The following CCDC63 variants were observed in gnomAD, a reference collection of about 807,000 sequenced individuals.
The protein encoded by CCDC63 is coiled-coil domain containing 63.
In CCDC63, 54 loss-of-function variants were observed where a neutral mutation model predicts 63.6. The observed-to-expected ratio is 0.85, with a 90% CI of 0.68 to 1.07. The LOEUF (loss-of-function observed/expected upper bound fraction) is 1.07, where lower values mean the gene tolerates loss of function less well. CCDC63 is among the 50% of genes least tolerant of loss of function. The pLI is 0.00. For missense variants in CCDC63, 637 were observed against 689.6 expected (o/e 0.92, Z 0.86); for synonymous variants, 253 against 266.1 (o/e 0.95, Z 0.48).
chr12:110,856,844 C>CT lies in CCDC63; in HGVS notation c.180-1722dup, dbSNP rs34855503. On this transcript the variant is annotated intron_variant, in intron 3 of 11. Coordinates refer to ENST00000308208, the MANE Select transcript of CCDC63 (RefSeq NM_152591.3). ...GTCCTAGGACATTTTCCTTTCCTTTCTTTTTTTTTTTTTTTTTTTTGAGAC... is the reference window on the plus strand; with the variant it reads ...GTCCTAGGACATTTTCCTTTCCTTTCTTTTTTTTTTTTTTTTTTTTTGAGAC... Among the ~76,000 whole-genome samples the CT allele has an allele frequency of 6.7e-3, 771 of 115,506 alleles. 7 individuals carry two copies. Among genetic ancestry groups the CT allele is most frequent in the African/African-American group, 0.014 (482 of 33,386 alleles). The allele number at this position is 115,506 out of a possible 152,430, so 75.8% of individuals were successfully genotyped here.
intron 4 of CCDC63, among the ~76,000 whole-genome samples, chr12:110,871,535 C>T (rs548580542): frequency 6.6e-6 from 1 of 151,316 alleles, no homozygotes; most frequent in East Asian, 1.9e-4. Context: ...ATCTTTCCTT[C>T]CTTCCTCCCT....
intron 10 of CCDC63, 129 bp downstream of exon 10, chr12:110,899,254 G>C: frequency 1.3e-6 from 1 of 766,762 alleles, no homozygotes. Flanking sequence ...AAGCCAGCCT[G>C]CCTGGGTTTG....
At chr12:110,876,249 C>A (rs1285858549) in intron 5 of CCDC63, among the ~76,000 whole-genome samples, 1 of 113,598 alleles carries the variant, frequency 8.8e-6, no homozygotes, top group African/African-American at 3.5e-5. Context: ...CCCCCACAAT[C>A]AGAGGATAGA....
rs758434248 is a variant in CCDC63, at chr12:110,904,701, G to T, written c.1456G>T (p.Gly486Cys). The T allele has an allele frequency of 5.6e-5, 91 of 1,613,930 alleles. No homozygotes were observed. Among genetic ancestry groups the T allele is most frequent in the Non-Finnish European group, 7.2e-5 (85 of 1,180,002 alleles). Residue 486 changes from glycine to cysteine, a missense_variant, in exon 11 of 12, where the codon GGT becomes TGT. Transcript: ENST00000308208. ...IPPPFINPFW[G>C]GSALLKPPEP... ...GCCACCCTTCATCAACCCTTTCTGG[G>T]GTGGCTCTGCCCTCCTCAAGCCCCC... is the stretch of plus-strand genomic sequence containing the variant.
intron 4 of CCDC63, among the ~76,000 whole-genome samples, chr12:110,860,811 A>T (rs978995905): frequency 1.3e-5 from 2 of 151,956 alleles, no homozygotes; most frequent in Non-Finnish European, 2.9e-5. Flanking sequence ...CTGGTCTCGA[A>T]CTCCTGACCT....
upstream of CCDC63, among the ~76,000 whole-genome samples, chr12:110,844,799 A>C (rs534880020): frequency 6.6e-6 from 1 of 152,342 alleles, no homozygotes; most frequent in African/African-American, 2.4e-5. Flanking sequence ...GCTGGGAAGA[A>C]GGAAAGGGAA....
intron 3 of CCDC63, among the ~76,000 whole-genome samples, chr12:110,853,932 G>A (rs920558441): frequency 1.3e-5 from 2 of 152,218 alleles, no homozygotes; most frequent in African/African-American, 4.8e-5. Flanking sequence ...CTGGTGGGAA[G>A]TGGCTGCTCC....
Position 110,881,291 on chromosome 12 carries a change from A to G in CCDC63, c.848A>G (p.Glu283Gly). The change falls in exon 7 of 12, where the codon GAG (glutamate) becomes GGG (glycine). Residue 283 changes from glutamate (E) to glycine (G), a missense_variant. Physicochemically the swap from Glu to Gly is moderately conservative, Grantham distance 98. Coordinates refer to ENST00000308208, the MANE Select transcript of CCDC63 (RefSeq NM_152591.3). The part of the protein sequence containing the change: ...RNEFEEQAKR[E>G]EALKAKKHVK... ...GAATTCGAGGAGCAGGCCAAAAGGG[A>G]GGAAGGTACACCCTCCAGGAGCAAG... 6.2e-7 allele frequency: 1 copy of G among 1,613,156 alleles called. No homozygotes were observed. Among genetic ancestry groups the G allele is most frequent in the Non-Finnish European group, 8.5e-7 (1 of 1,179,610 alleles).
Position 110,884,163 on chromosome 12 carries a change from G to A in CCDC63, c.987G>A (p.Lys329=). 6.2e-7 allele frequency: 1 copy of A among 1,614,184 alleles called. No homozygotes were observed. Among genetic ancestry groups the A allele is most frequent in the Non-Finnish European group, 8.5e-7 (1 of 1,180,040 alleles). The part of the protein sequence containing the change: ...LNQLIEDFLA[K]EEKNFARFTY... ...AGCTCATTGAAGATTTTCTGGCCAA[G>A]GAGGAGAAGAATTTTGCTCGGTTCA... Residue 329 remains lysine (K), a synonymous_variant, in exon 8 of 12, where the codon AAG becomes AAA. Coordinates refer to ENST00000308208, the MANE Select transcript of CCDC63 (RefSeq NM_152591.3).
chr12:110,851,118 A>G (rs2070699896), intron 1 of CCDC63, among the ~76,000 whole-genome samples: 1 of 152,182 alleles, frequency 6.6e-6, no homozygotes, highest in Non-Finnish European at 1.5e-5. Context: ...TGCTAAATAG[A>G]TGTAAGTACT....
At chr12:110,881,322 GCT>G in intron 7 of CCDC63, 26 bp downstream of exon 7, 1 of 1,602,340 alleles carries the variant, frequency 6.2e-7, no homozygotes, top group Non-Finnish European at 8.5e-7. Context: ...GCAAGCTTGT[GCT>G]CTCTCACTCT....
chr12:110,865,460 A>G (rs2070929995), intron 4 of CCDC63, among the ~76,000 whole-genome samples: 1 of 107,842 alleles, frequency 9.3e-6, no homozygotes, highest in Non-Finnish European at 1.9e-5. Context: ...TGTTCAGCAT[A>G]TACCAAAAAA....
At chr12:110,882,577 A>G (rs1174912862) in intron 7 of CCDC63, among the ~76,000 whole-genome samples, 2 of 151,836 alleles carry the variant, frequency 1.3e-5, no homozygotes, top group Non-Finnish European at 2.9e-5. Flanking sequence ...AAAAAAAAAA[A>G]GGTTATCTCA....
intron 10 of CCDC63, among the ~76,000 whole-genome samples, chr12:110,903,717 C>T (rs2071520989): frequency 6.6e-6 from 1 of 152,144 alleles, no homozygotes; most frequent in African/African-American, 2.4e-5. Flanking sequence ...ATGAGGCAGG[C>T]CAGGGAAGCA....
At chr12:110,866,859 C>T (rs1417427891) in intron 4 of CCDC63, among the ~76,000 whole-genome samples, 1 of 148,904 alleles carries the variant, frequency 6.7e-6, no homozygotes, top group African/African-American at 2.5e-5. Flanking sequence ...GGGTGGTGGC[C>T]GGGCAGAGGG....
chr12:110,856,848 T>C (rs181054217), intron 3 of CCDC63, among the ~76,000 whole-genome samples: 2,288 of 146,824 alleles, frequency 0.016, 53 homozygotes, highest in African/African-American at 0.056. Flanking sequence ...TCCTTTCTTT[T>C]TTTTTTTTTT....
intron 3 of CCDC63, among the ~76,000 whole-genome samples, chr12:110,854,137 G>A (rs1004345816): frequency 2.6e-5 from 4 of 152,136 alleles, no homozygotes; most frequent in African/African-American, 9.7e-5. Flanking sequence ...CAGGGAAGTG[G>A]AGGAGTTCCC....
chr12:110,846,514 CT>C (rs143885351), upstream of CCDC63, among the ~76,000 whole-genome samples: 1,072 of 151,750 alleles, frequency 7.1e-3, 15 homozygotes, highest in African/African-American at 0.025. Flanking sequence ...TGAAATATCT[CT>C]TTCCCCCCCC....
At chr12:110,886,093 C>T (rs1477375372) in intron 8 of CCDC63, among the ~76,000 whole-genome samples, 1 of 152,118 alleles carries the variant, frequency 6.6e-6, no homozygotes, top group Non-Finnish European at 1.5e-5. Flanking sequence ...GCACAGCCAA[C>T]ATGGGTAAAT....
Sources: allele counts gnomAD v4.1 joint callset (sites outside exome capture counted in the v4.1 genomes callset), GRCh38; gene constraint gnomAD v4.1.1; transcripts MANE v1.5; gene names NCBI Gene and HGNC (gene_info 2026-07-23, HGNC 2026-07-21).